The following KDM2B variants were observed in gnomAD, a reference collection of about 807,000 sequenced individuals.
KDM2B encodes the protein lysine demethylase 2B, also known as lysine-specific demethylase 2B.
Under a neutral mutation model 150.0 loss-of-function variants are expected in KDM2B, and 26 were observed. The ratio of observed to expected loss-of-function variants is 0.17; its 90% confidence interval spans 0.13 to 0.24. The LOEUF is 0.24. Among genes scored for constraint, KDM2B ranks in the 10% least tolerant of loss-of-function variants. The pLI, the probability that KDM2B is intolerant of heterozygous loss-of-function variation, is 1.00. For synonymous variants in KDM2B, 734 were observed against 729.5 expected, an observed-to-expected ratio of 1.01 and a Z score of -0.10; for missense variants, 1,265 against 1,816.9, an observed-to-expected ratio of 0.70 and a Z score of 5.52.
chr12:121,534,317 C>T (rs1405782000), intron 7 of KDM2B, among the ~76,000 whole-genome samples, 180 bp downstream of exon 7: 1 of 151,428 alleles, frequency 6.6e-6, no homozygotes, highest in Non-Finnish European at 1.5e-5. Flanking sequence ...CCACTGCACT[C>T]CAGCCTGGGC....
At chr12:121,489,038 C>T (rs1214858952) in intron 12 of KDM2B, among the ~76,000 whole-genome samples, 1 of 151,960 alleles carries the variant, frequency 6.6e-6, no homozygotes, top group African/African-American at 2.4e-5. Context: ...GAACTCCCGA[C>T]CTCAGGTGAT....
chr12:121,543,206 A>C lies in KDM2B; in HGVS notation c.683+5671T>G, dbSNP rs149797987. Among the ~76,000 whole-genome samples the C allele has an allele frequency of 4.7e-4, 72 of 152,204 alleles. 3 individuals are homozygous for C. In the East Asian group the frequency reaches 0.014, roughly 29 times the overall value. Reference sequence around the variant, plus strand: ...CCCTGTCTCTACTAAAAATACAAAAATTAGCTGGGTGTAATGGCGGGAGCC... The same window carrying C: ...CCCTGTCTCTACTAAAAATACAAAACTTAGCTGGGTGTAATGGCGGGAGCC... On this transcript the variant is annotated intron_variant, in intron 6 of 22. Coordinates refer to ENST00000377071, the MANE Select transcript of KDM2B (RefSeq NM_032590.5).
chr12:121,509,161 C>G (rs1885358778), intron 11 of KDM2B, among the ~76,000 whole-genome samples: 1 of 152,068 alleles, frequency 6.6e-6, no homozygotes, highest in Non-Finnish European at 1.5e-5. Context: ...CAGGTTCGAG[C>G]AATTCTTCTG....
the KDM2B span, among the ~76,000 whole-genome samples, chr12:121,419,157 A>G: frequency 6.6e-6 from 1 of 152,118 alleles, no homozygotes; most frequent in African/African-American, 2.4e-5. Context: ...CCATATTTTT[A>G]TTGTACCTTT....
intron 3 of KDM2B, among the ~76,000 whole-genome samples, chr12:121,574,854 AC>A (rs1262654213): frequency 6.6e-6 from 1 of 152,192 alleles, no homozygotes; most frequent in African/African-American, 2.4e-5. Context: ...TCCACTGTCC[AC>A]CCCATTTTTC....
At chr12:121,435,840 GAC>G (rs766933158) in intron 22 of KDM2B, among the ~76,000 whole-genome samples, 22 of 152,104 alleles carry the variant, frequency 1.4e-4, no homozygotes, top group Non-Finnish European at 3.1e-4. Flanking sequence ...CCAAAGAAAC[GAC>G]ACACAGAGAC....
chr12:121,467,113 G>A lies in KDM2B; in HGVS notation c.1735-13769C>T, dbSNP rs1194995379. ...GGCGCGTCAGACAGGCGGTCGGGAG[G>A]TCGTGCGGCGGGTCCCTCCCTCAGC... On this transcript the variant is annotated intron_variant, in intron 12 of 22. Transcript: ENST00000377071. This position sits in a 1 kb window ranked among gnomAD's most constrained non-coding sequence, Gnocchi z 5.1. 1.8e-6 allele frequency: 2 copies of A among 1,090,662 alleles called. No homozygotes were observed. The highest frequency in any genetic ancestry group is 2.3e-6 in the Non-Finnish European group (2 of 872,070). 67.6% of individuals were successfully genotyped at this position (1,090,662 alleles called of 1,614,324 possible). A position where few individuals can be genotyped will look rare whatever the true frequency, so the allele number is the denominator to read the frequency against.
intron 11 of KDM2B, among the ~76,000 whole-genome samples, chr12:121,495,760 G>A (rs1883869243): frequency 6.6e-6 from 1 of 152,190 alleles, no homozygotes; most frequent in African/African-American, 2.4e-5. Flanking sequence ...CTTGCTACAT[G>A]TACCCTAACC....
At chr12:121,440,452 T>C in intron 21 of KDM2B, 2 of 384,988 alleles carry the variant, frequency 5.2e-6, no homozygotes, top group Non-Finnish European at 9.6e-6. Flanking sequence ...ACAACCACAC[T>C]GATCCCGATG....
intron 6 of KDM2B, among the ~76,000 whole-genome samples, chr12:121,541,146 C>T (rs1888575232): frequency 6.6e-6 from 1 of 152,126 alleles, no homozygotes; most frequent in South Asian, 2.1e-4. Flanking sequence ...GCAGGAGAAT[C>T]GCTTGAACCC....
intron 4 of KDM2B, among the ~76,000 whole-genome samples, chr12:121,556,632 C>G (rs1325973819): frequency 1.3e-5 from 2 of 152,192 alleles, no homozygotes; most frequent in Non-Finnish European, 2.9e-5. Flanking sequence ...AAGTGGATCA[C>G]TTGAGGTCAA....
In KDM2B at chr12:121,549,088, C is replaced by A; in HGVS notation, c.577-105G>T. 1.2e-6 allele frequency: 1 copy of A among 852,156 alleles called. No individual in the cohort carries two copies. The highest frequency in any genetic ancestry group is 1.7e-5 in the African/African-American group (1 of 60,030). The allele number at this position is 852,156 out of a possible 1,614,324, so 52.8% of individuals were successfully genotyped here. On this transcript the variant is annotated intron_variant, in intron 5 of 22. Coordinates refer to ENST00000377071, the MANE Select transcript of KDM2B (RefSeq NM_032590.5). The surrounding 1 kb of genome is among the most constrained non-coding windows in gnomAD (Gnocchi z 4.4). ...TGGGCCCCCCCGCTCCCCCAATCTA[C>A]TGTGGGCTCAATAGTCCCAACATGG...
At chr12:121,578,165 G>A (rs1422866094) in intron 2 of KDM2B, among the ~76,000 whole-genome samples, 1 of 152,198 alleles carries the variant, frequency 6.6e-6, no homozygotes, top group Non-Finnish European at 1.5e-5. Context: ...ACCTATCAAG[G>A]CTGTAGCGCT....
chr12:121,518,874 G>A lies in KDM2B; in HGVS notation c.1047+2111C>T, dbSNP rs549580915. Reference sequence around the variant, plus strand: ...AGGACAGGCCAAAGAACAGTTGGCCGGAGCCCCAGACAGCATTGACCCAGA... The same window carrying A: ...AGGACAGGCCAAAGAACAGTTGGCCAGAGCCCCAGACAGCATTGACCCAGA... On this transcript the variant is annotated intron_variant, in intron 9 of 22. Transcript: ENST00000377071. The surrounding 1 kb of genome is among the most constrained non-coding windows in gnomAD (Gnocchi z 4.4). Among the ~76,000 whole-genome samples the A allele has an allele frequency of 3.0e-4, 46 of 152,264 alleles. No homozygotes were observed. The highest frequency in any genetic ancestry group is 1.0e-3 in the African/African-American group (43 of 41,534).
At chr12:121,412,272 C>T in the KDM2B span, among the ~76,000 whole-genome samples, 1 of 137,542 alleles carries the variant, frequency 7.3e-6, no homozygotes, top group Non-Finnish European at 1.5e-5. Context: ...TGGAGTCCCG[C>T]TCTGTTGCCC....
intron 10 of KDM2B, among the ~76,000 whole-genome samples, chr12:121,511,017 C>CTT (rs1267556991): frequency 2.9e-4 from 42 of 144,036 alleles, no homozygotes; most frequent in African/African-American, 6.8e-4. Flanking sequence ...TGTCTTTTCT[C>CTT]TTTTTTTTTT....
At chr12:121,530,339 C>T (rs1887560752) in intron 8 of KDM2B, among the ~76,000 whole-genome samples, 1 of 151,830 alleles carries the variant, frequency 6.6e-6, no homozygotes, top group African/African-American at 2.4e-5. Context: ...AGTTAAAGTA[C>T]TATCCTTTAT....
intron 12 of KDM2B, among the ~76,000 whole-genome samples, chr12:121,466,056 T>TA (rs1879858964): frequency 1.3e-5 from 2 of 152,152 alleles, no homozygotes; most frequent in Non-Finnish European, 2.9e-5. Context: ...AACTGCCTGT[T>TA]AGGTAAAACC....
At chr12:121,472,580 T>G (rs1248735710) in intron 12 of KDM2B, among the ~76,000 whole-genome samples, 1 of 152,228 alleles carries the variant, frequency 6.6e-6, no homozygotes, top group Non-Finnish European at 1.5e-5. Context: ...TAATTATGTC[T>G]CCTTACGTTA....
Sources: allele counts gnomAD v4.1 joint callset (sites outside exome capture counted in the v4.1 genomes callset), GRCh38; gene constraint gnomAD v4.1.1; non-coding constraint Gnocchi (gnomAD v3.1); transcripts MANE v1.5; gene names NCBI Gene and HGNC (gene_info 2026-07-23, HGNC 2026-07-21).